Variants in MAP3K5 observed in about 807,000 individuals in gnomAD.
The protein encoded by MAP3K5 is mitogen-activated protein kinase kinase kinase 5.
In MAP3K5, 56 loss-of-function variants were observed where a neutral mutation model predicts 158.7. The observed-to-expected ratio is 0.35, with a 90% CI of 0.28 to 0.44. MAP3K5 has a LOEUF of 0.44. MAP3K5 is among the 20% of genes least tolerant of loss of function. MAP3K5 has a pLI of 1.00. For missense variants in MAP3K5, 1,294 were observed against 1,674.8 expected (o/e 0.77, Z 3.97); for synonymous variants, 579 against 601.7 (o/e 0.96, Z 0.55).
chr6:136,760,831 A>G (rs1274974339), intron 1 of MAP3K5, among the ~76,000 whole-genome samples: 2 of 152,184 alleles, frequency 1.3e-5, no homozygotes, highest in Non-Finnish European at 2.9e-5. Flanking sequence ...TTAGCCAGGC[A>G]TGGTGGCACA....
chr6:136,644,630 T>C (rs567846521), intron 11 of MAP3K5, among the ~76,000 whole-genome samples: 1 of 152,342 alleles, frequency 6.6e-6, no homozygotes, highest in Non-Finnish European at 1.5e-5. Flanking sequence ...GCAACTGTCA[T>C]TCCATCCTTC....
chr6:136,650,682 G>A (rs551836511), intron 11 of MAP3K5, among the ~76,000 whole-genome samples: 2 of 152,128 alleles, frequency 1.3e-5, no homozygotes, highest in East Asian at 1.9e-4. Context: ...TTAGTTCTTC[G>A]GTGCATAACT....
intron 14 of MAP3K5, 137 bp from the exon 15 acceptor site, chr6:136,623,118 C>T: frequency 1.4e-6 from 1 of 715,846 alleles, no homozygotes; most frequent in Non-Finnish European, 2.4e-6. Flanking sequence ...GAAGCAGCTT[C>T]AAGGATGAAC....
At chr6:136,607,937 G>T (rs149221960) in intron 18 of MAP3K5, among the ~76,000 whole-genome samples, 43 of 152,284 alleles carry the variant, frequency 2.8e-4, no homozygotes, top group African/African-American at 9.6e-4. Flanking sequence ...ATATAGACCC[G>T]AGTGAAGAGG....
chr6:136,742,454 C>CA (rs549443980), intron 1 of MAP3K5, among the ~76,000 whole-genome samples: 185 of 148,168 alleles, frequency 1.2e-3, no homozygotes, highest in African/African-American at 4.0e-3. Flanking sequence ...AAAACAAAAA[C>CA]AAAAAAAACA....
At chr6:136,642,488 A>G (rs373836559) in intron 12 of MAP3K5, 32 bp downstream of exon 12, 7 of 1,524,476 alleles carry the variant, frequency 4.6e-6, no homozygotes, top group African/African-American at 1.4e-5. Flanking sequence ...AAAATGTCTT[A>G]TAAGTTAACA....
intron 1 of MAP3K5, among the ~76,000 whole-genome samples, chr6:136,755,741 A>G (rs1045182326): frequency 1.3e-5 from 2 of 151,840 alleles, no homozygotes; most frequent in Non-Finnish European, 2.9e-5. Context: ...TTTAATGACA[A>G]TTTCCCTAGA....
In MAP3K5 at chr6:136,589,448, G is replaced by T. The variant is rs76522357; in HGVS notation, c.3225+2725C>A. On this transcript the variant is annotated intron_variant, in intron 23 of 29. Coordinates refer to ENST00000359015, the MANE Select transcript of MAP3K5 (RefSeq NM_005923.4). ...GTATCCACAAGAAGCTTGGGGCTGA[G>T]GGAAATCCATTTTTCTCCTGGTGCA... Among the ~76,000 whole-genome samples, 850 of 152,272 alleles carry T rather than the reference G, an allele frequency of 5.6e-3. 8 individuals carry two copies. The highest frequency in any genetic ancestry group is 0.02 in the African/African-American group (812 of 41,548).
intron 26 of MAP3K5, among the ~76,000 whole-genome samples, chr6:136,566,503 C>A (rs1423030864): frequency 3.3e-5 from 5 of 152,092 alleles, no homozygotes; most frequent in Non-Finnish European, 5.9e-5. Context: ...GGGGTGTTAT[C>A]CTTGGACTCT....
At chr6:136,733,181 G>T (rs1350431276) in intron 1 of MAP3K5, among the ~76,000 whole-genome samples, 1 of 152,056 alleles carries the variant, frequency 6.6e-6, no homozygotes, top group Non-Finnish European at 1.5e-5. Flanking sequence ...TTTATTTTTT[G>T]TAGATACAGT....
At chr6:136,741,228 C>T (rs576899772) in intron 1 of MAP3K5, among the ~76,000 whole-genome samples, 6 of 152,080 alleles carry the variant, frequency 3.9e-5, no homozygotes, top group African/African-American at 1.4e-4. Context: ...TTAAAATGAC[C>T]TGTTATTAGC....
rs992399000 is a variant in MAP3K5, at chr6:136,669,266, T to C, written c.1366+17A>G. On this transcript the variant is annotated intron_variant, in intron 8 of 29. Transcript: ENST00000359015. ...CCAGTTTCTTGATTTCCATGTAAAA[T>C]ATCAAGTTGTAATTACCAACTTTCC... 3.3e-6 allele frequency: 5 copies of C among 1,530,702 alleles called. No individual in the cohort carries two copies. The highest frequency in any genetic ancestry group is 3.6e-6 in the Non-Finnish European group (4 of 1,104,854). The allele number at this position is 1,530,702 out of a possible 1,614,324, so 94.8% of individuals were successfully genotyped here.
At chr6:136,620,657 T>C (rs1776757978) in intron 15 of MAP3K5, among the ~76,000 whole-genome samples, 1 of 152,142 alleles carries the variant, frequency 6.6e-6, no homozygotes, top group Admixed American at 6.5e-5. Context: ...CCTGGCCAAA[T>C]ATGGATAATA....
At chr6:136,584,719 A>T (rs1562523944) in intron 23 of MAP3K5, among the ~76,000 whole-genome samples, 1 of 152,224 alleles carries the variant, frequency 6.6e-6, no homozygotes, top group Non-Finnish European at 1.5e-5. Flanking sequence ...GGACAAGAAC[A>T]GAAATGCACA....
At chr6:136,611,437 G>C in intron 17 of MAP3K5, 50 bp from the exon 18 acceptor site, 2 of 1,050,650 alleles carry the variant, frequency 1.9e-6, no homozygotes, top group Non-Finnish European at 2.9e-6. Context: ...TTCAGATACT[G>C]TCTGTTGTTG....
At position 136,691,571 on chromosome 6, in the gene MAP3K5, A is replaced by C. The variant is rs1448376339; in HGVS notation, c.1253+2569T>G. Among the ~76,000 whole-genome samples the C allele has an allele frequency of 2.0e-5, 3 of 151,524 alleles. No homozygotes were observed. The East Asian group carries it at 5.8e-4, about 29-fold the overall frequency. ...GGTTGCAGTGAGGTGAGATTGCACCACTGAACTCCAGCCTGGGCAACAGAG... is the reference window on the plus strand; with the variant it reads ...GGTTGCAGTGAGGTGAGATTGCACCCCTGAACTCCAGCCTGGGCAACAGAG... On this transcript the variant is annotated intron_variant, in intron 7 of 29. Transcript: ENST00000359015.
chr6:136,557,670 C>G lies in MAP3K5; in HGVS notation c.*88G>C. 1.2e-6 allele frequency: 1 copy of G among 864,868 alleles called. No individual in the cohort carries two copies. The highest frequency in any genetic ancestry group is 1.9e-6 in the Non-Finnish European group (1 of 515,990). 53.6% of individuals were successfully genotyped at this position (864,868 alleles called of 1,614,324 possible). ...ACTGGATTTAAAGTGCAGCGCCTTT[C>G]TCCTCTCCCTTCGATTTTCCCACCC... On this transcript the variant is annotated 3_prime_UTR_variant, in exon 30 of 30. Transcript: ENST00000359015.
intron 1 of MAP3K5, among the ~76,000 whole-genome samples, chr6:136,742,033 A>G (rs1403725565): frequency 6.6e-6 from 1 of 152,226 alleles, no homozygotes; most frequent in Non-Finnish European, 1.5e-5. Flanking sequence ...ATGTTCATAG[A>G]TAGGAAGACT....
intron 1 of MAP3K5, among the ~76,000 whole-genome samples, chr6:136,747,223 G>A (rs1783001269): frequency 6.6e-6 from 1 of 152,182 alleles, no homozygotes; most frequent in African/African-American, 2.4e-5. Flanking sequence ...TCTATTTTCT[G>A]CTTTCCTAAA....
Sources: allele counts gnomAD v4.1 joint callset (sites outside exome capture counted in the v4.1 genomes callset), GRCh38; gene constraint gnomAD v4.1.1; transcripts MANE v1.5; gene names NCBI Gene and HGNC (gene_info 2026-07-23, HGNC 2026-07-21).